The following NAALADL2 variants were observed in gnomAD, a reference collection of about 807,000 sequenced individuals.
The protein encoded by NAALADL2 is N-acetylated alpha-linked acidic dipeptidase like 2.
In NAALADL2, 76 loss-of-function variants were observed where a neutral mutation model predicts 87.2. The observed-to-expected ratio is 0.87, with a 90% CI of 0.72 to 1.05. NAALADL2 has a LOEUF of 1.05. Ranked by LOEUF, NAALADL2 falls within the 50% of genes least tolerant of loss-of-function variation. The pLI is 0.00. For synonymous variants in NAALADL2, 354 were observed against 331.0 expected (o/e 1.07, Z -0.75); for missense variants, 1,089 against 945.8 (o/e 1.15, Z -1.99).
In NAALADL2 at chr3:174,935,091, G is replaced by T. The variant is rs149923828; in HGVS notation, c.43+75641G>T. On this transcript the variant is annotated intron_variant, in intron 1 of 13. Transcript: ENST00000454872. ...CTTCAGACATTTCAAAAGTTGAAAA[G>T]ACTCACAAATTCAAAGAACATTCTG... Among the ~76,000 whole-genome samples the T allele has an allele frequency of 1.1e-3, 161 of 152,130 alleles. 1 individual carries two copies. Among genetic ancestry groups the T allele is most frequent in the South Asian group, 1.0e-3 (5 of 4,816 alleles).
intron 11 of NAALADL2, among the ~76,000 whole-genome samples, chr3:175,672,725 C>T (rs1186267856): frequency 6.6e-6 from 1 of 152,086 alleles, no homozygotes; most frequent in Non-Finnish European, 1.5e-5. Flanking sequence ...ACTTTTTATC[C>T]TTAAGGTGCA....
At chr3:174,451,536 A>G (rs908437642) in intron 1 of NAALADL2, among the ~76,000 whole-genome samples, 2 of 152,192 alleles carry the variant, frequency 1.3e-5, no homozygotes, top group African/African-American at 4.8e-5. Context: ...AAGCATTTTT[A>G]TAATAAAAAA....
chr3:174,822,989 T>C (rs1221714625), intron 3 of NAALADL2, among the ~76,000 whole-genome samples: 2 of 152,212 alleles, frequency 1.3e-5, no homozygotes, highest in Non-Finnish European at 2.9e-5. Context: ...ACAGAATTCC[T>C]CTGTCCATAT....
At chr3:174,693,687 G>C (rs957608200) in intron 2 of NAALADL2, among the ~76,000 whole-genome samples, 1 of 152,106 alleles carries the variant, frequency 6.6e-6, no homozygotes, top group African/African-American at 2.4e-5. Context: ...AATATGTTGG[G>C]GAGAGGAATA....
chr3:175,574,078 A>G (rs1718502325), intron 9 of NAALADL2, among the ~76,000 whole-genome samples: 1 of 152,206 alleles, frequency 6.6e-6, no homozygotes, highest in Non-Finnish European at 1.5e-5. Flanking sequence ...ATAGTTATTA[A>G]AACATTATTA....
chr3:174,600,892 A>G lies in NAALADL2; in HGVS notation c.-115+50255A>G, dbSNP rs552201686. Among the ~76,000 whole-genome samples, 4 of 152,226 alleles carry G rather than the reference A, an allele frequency of 2.6e-5. No homozygotes were observed. The East Asian group carries it at 5.8e-4, about 22-fold the overall frequency. ...CACCTCCCACCAGGCCCCATCTCCA[A>G]CACTGGATTACAATTCGACATGAGA... is the stretch of plus-strand genomic sequence containing the variant. On this transcript the variant is annotated intron_variant, in intron 2 of 3. Transcript: ENST00000434257.
chr3:174,804,810 C>T (rs142852175), intron 3 of NAALADL2, among the ~76,000 whole-genome samples: 20 of 152,120 alleles, frequency 1.3e-4, no homozygotes, highest in African/African-American at 4.6e-4. Flanking sequence ...GAAGGACTTA[C>T]GTTTTGAAAA....
chr3:175,600,763 T>A (rs1175937669), intron 10 of NAALADL2, among the ~76,000 whole-genome samples: 15 of 151,916 alleles, frequency 9.9e-5, no homozygotes, highest in Admixed American at 9.2e-4. Flanking sequence ...GGTCTCGATC[T>A]CCTGACCTCG....
At chr3:175,024,133 GT>G in intron 1 of NAALADL2, among the ~76,000 whole-genome samples, 1 of 151,892 alleles carries the variant, frequency 6.6e-6, no homozygotes, top group East Asian at 1.9e-4. Context: ...ATTTTATGAA[GT>G]TAAAGATAAA....
intron 2 of NAALADL2, among the ~76,000 whole-genome samples, chr3:174,677,838 A>C (rs1038757346): frequency 2.6e-5 from 4 of 151,986 alleles, no homozygotes; most frequent in Non-Finnish European, 1.5e-5. Flanking sequence ...GCACTTCAGC[A>C]CTATGCTTGG....
At chr3:174,933,069 A>G (rs1187898928) in intron 1 of NAALADL2, among the ~76,000 whole-genome samples, 2 of 152,220 alleles carry the variant, frequency 1.3e-5, no homozygotes, top group African/African-American at 4.8e-5. Context: ...GTGAACCGAG[A>G]TTGTGCCATT....
chr3:174,605,360 G>A (rs1466692168), intron 2 of NAALADL2, among the ~76,000 whole-genome samples: 2 of 152,192 alleles, frequency 1.3e-5, no homozygotes, highest in Non-Finnish European at 2.9e-5. Flanking sequence ...GAAGCAGGAC[G>A]AGGCATTGCC....
At chr3:175,726,146 C>T (rs1346613398) in intron 11 of NAALADL2, among the ~76,000 whole-genome samples, 1 of 151,352 alleles carries the variant, frequency 6.6e-6, no homozygotes, top group Non-Finnish European at 1.5e-5. Context: ...ATTAAAAATG[C>T]CAAAAAGCTA....
At chr3:174,776,212 C>T (rs1221476362) in intron 3 of NAALADL2, among the ~76,000 whole-genome samples, 1 of 152,076 alleles carries the variant, frequency 6.6e-6, no homozygotes, top group Non-Finnish European at 1.5e-5. Context: ...CAGCCCAATA[C>T]CTCCCTAACA....
At chr3:174,840,081 A>G (rs11929480) in intron 3 of NAALADL2, among the ~76,000 whole-genome samples, 24,699 of 151,684 alleles carry the variant, frequency 0.16, 2,391 homozygotes, top group African/African-American at 0.26. Context: ...ATTCGTAATT[A>G]CAAAAATGTG....
intron 1 of NAALADL2, among the ~76,000 whole-genome samples, chr3:174,904,019 A>G (rs1305593409): frequency 5.3e-5 from 8 of 151,244 alleles, no homozygotes; most frequent in African/African-American, 1.2e-4. Flanking sequence ...ATCTGTATCT[A>G]TTTGAGTTTC....
At chr3:175,042,908 C>G (rs1444416226) in intron 1 of NAALADL2, among the ~76,000 whole-genome samples, 1 of 152,018 alleles carries the variant, frequency 6.6e-6, no homozygotes, top group Non-Finnish European at 1.5e-5. Flanking sequence ...AGTGCTCACT[C>G]TATTAGTTCA....
intron 11 of NAALADL2, among the ~76,000 whole-genome samples, chr3:175,714,408 T>C (rs1740955476): frequency 6.6e-6 from 1 of 152,194 alleles, no homozygotes; most frequent in Admixed American, 6.5e-5. Flanking sequence ...TCCTGACTTT[T>C]TAATGATCAC....
At chr3:175,586,216 A>G (rs977578406) in intron 10 of NAALADL2, among the ~76,000 whole-genome samples, 35 of 149,654 alleles carry the variant, frequency 2.3e-4, no homozygotes, top group Admixed American at 2.3e-3. Context: ...ATACACAGAA[A>G]CTTATCTTGT....
Sources: gnomAD v4.1 joint callset for allele counts (sites outside exome capture counted in the v4.1 genomes callset) on GRCh38, gnomAD v4.1.1 for gene constraint, MANE v1.5 for transcripts, NCBI Gene and HGNC (gene_info 2026-07-23, HGNC 2026-07-21) for gene names.